The following PLCG1 variants were observed in gnomAD, a reference collection of about 807,000 sequenced individuals.
PLCG1 encodes the protein 1-phosphatidylinositol 4,5-bisphosphate phosphodiesterase gamma-1.
In PLCG1, 71 loss-of-function variants were observed where a neutral mutation model predicts 177.8. The observed-to-expected ratio is 0.40, with a 90% CI of 0.33 to 0.49. The LOEUF is 0.49. Ranked by LOEUF, PLCG1 falls within the 20% of genes least tolerant of loss-of-function variation. The pLI is 0.72. For synonymous variants in PLCG1, 658 were observed against 647.9 expected (o/e 1.02, Z -0.24); for missense variants, 1,281 against 1,709.0 (o/e 0.75, Z 4.42).
chr20:41,170,286 AC>A lies in PLCG1; in HGVS notation c.2808+19del. 1 of 1,613,530 alleles carries A rather than the reference AC, an allele frequency of 6.2e-7. No homozygotes were observed. Among genetic ancestry groups the A allele is most frequent in the Admixed American group, 1.7e-5 (1 of 59,996 alleles). On this transcript the variant is annotated intron_variant, in intron 24 of 31. Coordinates refer to ENST00000685551, the MANE Select transcript of PLCG1 (RefSeq NM_002660.3). ...GACGCCAGGGTGAGATTCTGCTGGA[AC>A]CTTCTGGGGGGCAGTGTGTGGGCCC...
Position 41,156,350 on chromosome 20 carries a change from C to T in PLCG1, c.218-3256C>T, listed in dbSNP as rs548317269. ...GGGGACATGGTGCCATTCCTGAAGC[C>T]TGGGCAGCCATCACCATGGGCCTGG... On this transcript the variant is annotated intron_variant, in intron 1 of 31. Transcript: ENST00000685551. This position sits in a 1 kb window ranked among gnomAD's most constrained non-coding sequence, Gnocchi z 5.0. Among the ~76,000 whole-genome samples, 2 of 152,296 alleles carry T rather than the reference C, an allele frequency of 1.3e-5. No homozygotes were observed. Among genetic ancestry groups the T allele is most frequent in the East Asian group, 3.9e-4 (2 of 5,182 alleles).
chr20:41,142,619 G>C (rs1405010467), intron 1 of PLCG1, among the ~76,000 whole-genome samples: 5 of 152,170 alleles, frequency 3.3e-5, no homozygotes, highest in Admixed American at 3.3e-4. Context: ...GAGCTTAGTA[G>C]TTAAGCATTT....
chr20:41,141,957 T>G (rs1201282341), intron 1 of PLCG1, among the ~76,000 whole-genome samples: 1 of 152,226 alleles, frequency 6.6e-6, no homozygotes, highest in Non-Finnish European at 1.5e-5. Flanking sequence ...CTGGGTAGCT[T>G]CTTGGAATGA....
chr20:41,168,676 C>G (rs907744707), intron 20 of PLCG1, 91 bp from the exon 21 acceptor site: 3 of 763,186 alleles, frequency 3.9e-6, no homozygotes, highest in African/African-American at 3.4e-5. Flanking sequence ...GGCAGGGAAG[C>G]CCAAGCACAT....
Position 41,146,378 on chromosome 20 carries a change from A to G in PLCG1, c.217+8520A>G, listed in dbSNP as rs2034995049. 6.6e-6 allele frequency among the ~76,000 whole-genome samples: 1 copy of G among 152,212 alleles called. No homozygotes were observed. Among genetic ancestry groups the G allele is most frequent in the Non-Finnish European group, 1.5e-5 (1 of 68,032 alleles). On this transcript the variant is annotated intron_variant, in intron 1 of 31. Coordinates refer to ENST00000685551, the MANE Select transcript of PLCG1 (RefSeq NM_002660.3). The surrounding 1 kb of genome is among the most constrained non-coding windows in gnomAD (Gnocchi z 6.3). ...AAGATGGAATCGCTTTTCTCCCTGT[A>G]GCAGCCCATCCTACCCCCTGGGGTC... is the stretch of plus-strand genomic sequence containing the variant.
At position 41,165,990 on chromosome 20, in the gene PLCG1, ACC is replaced by A. The variant is rs145133101; in HGVS notation, c.1799+173_1799+174del. ...CATACACACACACACTCTCTGTCTCACCCCCCCCCCATACCCCTCCCTTTTCG... is the reference window on the plus strand; with the variant it reads ...CATACACACACACACTCTCTGTCTCACCCCCCCCATACCCCTCCCTTTTCG... On this transcript the variant is annotated intron_variant, in intron 16 of 31. Coordinates refer to ENST00000685551, the MANE Select transcript of PLCG1 (RefSeq NM_002660.3). This position sits in a 1 kb window ranked among gnomAD's most constrained non-coding sequence, Gnocchi z 6.6. The A allele has an allele frequency of 3.8e-5, 20 of 528,622 alleles. No homozygotes were observed. Among genetic ancestry groups the A allele is most frequent in the Admixed American group, 1.4e-4 (4 of 27,694 alleles). 32.7% of individuals were successfully genotyped at this position (528,622 alleles called of 1,614,324 possible).
rs1346417656 is a variant in PLCG1, at chr20:41,174,238, T to C, written c.3760T>C (p.Tyr1254His). 4.3e-6 allele frequency: 7 copies of C among 1,614,068 alleles called. 1 individual carries two copies. In the Admixed American group the frequency reaches 6.7e-5, roughly 15 times the overall value. The change falls in exon 31 of 32, where the codon TAC becomes CAC. Residue 1254 changes from tyrosine (Y) to histidine (H), a missense_variant. Transcript: ENST00000685551. This position sits in a 1 kb window ranked among gnomAD's most constrained non-coding sequence, Gnocchi z 5.8. ...RAREGSFESR[Y>H]QQPFEDFRIS... is the part of the protein sequence containing the mutation. ...CCGGGAAGGCTCCTTTGAATCCCGC[T>C]ACCAGCAGCCGTTTGAGGACTTCCG...
In PLCG1 at chr20:41,147,175, G is replaced by C. The variant is rs370374292; in HGVS notation, c.217+9317G>C. Among the ~76,000 whole-genome samples, 56 of 152,352 alleles carry C rather than the reference G, an allele frequency of 3.7e-4. 1 individual carries two copies. The East Asian group carries it at 4.8e-3, about 13-fold the overall frequency. ...AACAGTAATTGAGTATAATGTGCCTGTGTTAGCTTGTCCATCCTAACTGGG... is the reference window on the plus strand; with the variant it reads ...AACAGTAATTGAGTATAATGTGCCTCTGTTAGCTTGTCCATCCTAACTGGG... On this transcript the variant is annotated intron_variant, in intron 1 of 31. Transcript: ENST00000685551. The surrounding 1 kb of genome is among the most constrained non-coding windows in gnomAD (Gnocchi z 4.0).
chr20:41,143,989 C>T (rs984592439), intron 1 of PLCG1, among the ~76,000 whole-genome samples: 2 of 152,214 alleles, frequency 1.3e-5, no homozygotes, highest in Admixed American at 1.3e-4. Flanking sequence ...GCTCCAACAA[C>T]CTGGGCTAGG....
Position 41,165,592 on chromosome 20 carries a change from G to C in PLCG1, c.1611+41G>C, listed in dbSNP as rs1373417847. Reference sequence around the variant, plus strand: ...AGGTCTGGGGGCTGGGCCAGGTCAGGCCTGGGCCAGGGTCACAGTATCTTT... The same window carrying C: ...AGGTCTGGGGGCTGGGCCAGGTCAGCCCTGGGCCAGGGTCACAGTATCTTT... On this transcript the variant is annotated intron_variant, in intron 15 of 31. Coordinates refer to ENST00000685551, the MANE Select transcript of PLCG1 (RefSeq NM_002660.3). The surrounding 1 kb of genome is among the most constrained non-coding windows in gnomAD (Gnocchi z 6.6). 1 of 1,611,106 alleles carries C rather than the reference G, an allele frequency of 6.2e-7. No individual in the cohort carries two copies. The highest frequency in any genetic ancestry group is 8.5e-7 in the Non-Finnish European group (1 of 1,177,414).
Position 41,159,478 on chromosome 20 carries a change from G to A in PLCG1, c.218-128G>A. 7 of 870,884 alleles carry A rather than the reference G, an allele frequency of 8.0e-6. No homozygotes were observed. The highest frequency in any genetic ancestry group is 3.5e-6 in the Non-Finnish European group (2 of 565,928). The allele number at this position is 870,884 out of a possible 1,614,324, so 53.9% of individuals were successfully genotyped here. ...CTCTTATTACCAGAGTGACTGAGTG[G>A]TCTTGGCTCTGCCTCTGGGGTTCCT... On this transcript the variant is annotated intron_variant, in intron 1 of 31. Coordinates refer to ENST00000685551, the MANE Select transcript of PLCG1 (RefSeq NM_002660.3). This position sits in a 1 kb window ranked among gnomAD's most constrained non-coding sequence, Gnocchi z 6.0.
chr20:41,165,717 A>G lies in PLCG1; in HGVS notation c.1690A>G (p.Ile564Val). ...KLGAGRDGRH[I>V]AERLLTEYCI... ...AGGGGCAGGGCGTGACGGGCGTCAC[A>G]TCGCTGAGCGCCTGCTTACTGAGTA... The change falls in exon 16 of 32, where the codon ATC (isoleucine) becomes GTC (valine). Residue 564 changes from isoleucine (I) to valine (V), a missense_variant. Ile to Val is a conservative substitution (Grantham distance 29). Transcript: ENST00000685551. The surrounding 1 kb of genome is among the most constrained non-coding windows in gnomAD (Gnocchi z 6.6). 1 of 1,613,960 alleles carries G rather than the reference A, an allele frequency of 6.2e-7. No homozygotes were observed. Among genetic ancestry groups the G allele is most frequent in the Non-Finnish European group, 8.5e-7 (1 of 1,179,946 alleles).
chr20:41,150,242 G>A lies in PLCG1; in HGVS notation c.218-9364G>A, dbSNP rs1281273149. The stretch of plus-strand genomic sequence containing the variant: ...AGCACTTTGGGAGGCCGAAGTGAGA[G>A]GATCACTTGAGGCCAGGAGTTTGAG... On this transcript the variant is annotated intron_variant, in intron 1 of 31. Coordinates refer to ENST00000685551, the MANE Select transcript of PLCG1 (RefSeq NM_002660.3). The surrounding 1 kb of genome is among the most constrained non-coding windows in gnomAD (Gnocchi z 4.0). Among the ~76,000 whole-genome samples the A allele has an allele frequency of 3.9e-5, 6 of 152,182 alleles. No individual in the cohort carries two copies. The highest frequency in any genetic ancestry group is 8.8e-5 in the Non-Finnish European group (6 of 68,028).
chr20:41,161,080 G>A (rs1372823699), intron 4 of PLCG1, among the ~76,000 whole-genome samples: 3 of 152,146 alleles, frequency 2.0e-5, no homozygotes, highest in Non-Finnish European at 1.5e-5. Flanking sequence ...AAGCCACAGG[G>A]CTGGGTGAGA....
intron 1 of PLCG1, among the ~76,000 whole-genome samples, chr20:41,142,417 C>T (rs1294925934): frequency 6.6e-6 from 1 of 152,192 alleles, no homozygotes; most frequent in African/African-American, 2.4e-5. Context: ...GACTGACTTG[C>T]CTCTGCCTGG....
In PLCG1 at chr20:41,163,932, G is replaced by A; in HGVS notation, c.1022G>A (p.Gly341Glu). 1 of 1,614,086 alleles carries A rather than the reference G, an allele frequency of 6.2e-7. No individual in the cohort carries two copies. The highest frequency in any genetic ancestry group is 8.5e-7 in the Non-Finnish European group (1 of 1,180,006). The change falls in exon 11 of 32, where the codon GGG (glycine) becomes GAG (glutamate). Residue 341 changes from glycine (G) to glutamate (E), a missense_variant. Physicochemically the swap from Gly to Glu is moderately conservative, Grantham distance 98 (BLOSUM62 -2). Coordinates refer to ENST00000685551, the MANE Select transcript of PLCG1 (RefSeq NM_002660.3). The surrounding 1 kb of genome is among the most constrained non-coding windows in gnomAD (Gnocchi z 5.2). ...ISSSHNTYLT[G>E]DQFSSESSLE... is the part of the protein sequence containing the mutation. ...CCTTGCCTATCCAGGTACCTGACCG[G>A]GGACCAGTTCTCCAGTGAGTCCTCC...
chr20:41,175,240 G>A lies in PLCG1; in HGVS notation c.*731G>A, dbSNP rs1290800513. The A allele has an allele frequency of 6.6e-6, 1 of 152,308 alleles. No homozygotes were observed. The highest frequency in any genetic ancestry group is 1.5e-5 in the Non-Finnish European group (1 of 68,026). The allele number at this position is 152,308 out of a possible 1,614,324, so 9.4% of individuals were successfully genotyped here. ...AACCTTGGAGAGGAGAGTGGCAGGT[G>A]GGCTGCCTGCTGTGTTAAGAGGACT... On this transcript the variant is annotated 3_prime_UTR_variant, in exon 32 of 32. Coordinates refer to ENST00000685551, the MANE Select transcript of PLCG1 (RefSeq NM_002660.3).
In PLCG1 at chr20:41,159,810, T is replaced by C; in HGVS notation, c.370+52T>C. The stretch of plus-strand genomic sequence containing the variant: ...AGAGGATAGTTAGGGGAATGCCTGC[T>C]GGCTCCTGCCCAGTGGGAGGTATGT... On this transcript the variant is annotated intron_variant, in intron 2 of 31. Coordinates refer to ENST00000685551, the MANE Select transcript of PLCG1 (RefSeq NM_002660.3). The surrounding 1 kb of genome is among the most constrained non-coding windows in gnomAD (Gnocchi z 6.0). 1 of 1,613,552 alleles carries C rather than the reference T, an allele frequency of 6.2e-7. No homozygotes were observed. Among genetic ancestry groups the C allele is most frequent in the Non-Finnish European group, 8.5e-7 (1 of 1,179,422 alleles).
At chr20:41,169,308 T>G in intron 22 of PLCG1, 133 bp downstream of exon 22, 1 of 921,896 alleles carries the variant, frequency 1.1e-6, no homozygotes, top group African/African-American at 1.6e-5. Context: ...ACAGCCCATG[T>G]GGCCATGCAC....
Sources: gnomAD v4.1 joint callset for allele counts (sites outside exome capture counted in the v4.1 genomes callset) on GRCh38, gnomAD v4.1.1 for gene constraint, Gnocchi (gnomAD v3.1) non-coding constraint, MANE v1.5 for transcripts, NCBI Gene and HGNC (gene_info 2026-07-23, HGNC 2026-07-21) for gene names.